TWSG1: variants seen among roughly 807,000 people sequenced by gnomAD.
The protein encoded by TWSG1 is twisted gastrulation BMP signaling modulator 1.
In TWSG1, 15 loss-of-function variants were observed where a neutral mutation model predicts 23.0. That is an observed-to-expected ratio of 0.65 (90% CI 0.44 to 1.00). The LOEUF (loss-of-function observed/expected upper bound fraction) is 1.00. Ranked by LOEUF, TWSG1 falls within the 50% of genes least tolerant of loss-of-function variation. TWSG1 has a pLI of 0.00. For synonymous variants in TWSG1, 86 were observed against 92.8 expected, an observed-to-expected ratio of 0.93 and a Z score of 0.42; for missense variants, 242 against 278.7, an observed-to-expected ratio of 0.87 and a Z score of 0.94.
chr18:9,341,574 A>G (rs535825816), intron 2 of TWSG1, among the ~76,000 whole-genome samples: 1 of 152,260 alleles, frequency 6.6e-6, no homozygotes, highest in East Asian at 1.9e-4. Flanking sequence ...ATATATCTAA[A>G]ATTGCCTTTC....
chr18:9,383,572 A>C (rs997443351), intron 3 of TWSG1, among the ~76,000 whole-genome samples: 7 of 152,160 alleles, frequency 4.6e-5, no homozygotes, highest in Admixed American at 3.3e-4. Context: ...ACAAATTAGG[A>C]GACTGTTGCA....
chr18:9,371,297 C>CTTTT (rs758891489), intron 3 of TWSG1, among the ~76,000 whole-genome samples: 1 of 138,438 alleles, frequency 7.2e-6, no homozygotes, highest in African/African-American at 2.7e-5. Flanking sequence ...TTAGAAATCA[C>CTTTT]TTTTTTTTTT....
intron 3 of TWSG1, among the ~76,000 whole-genome samples, chr18:9,370,040 C>A (rs2040597236): frequency 6.6e-6 from 1 of 152,178 alleles, no homozygotes; most frequent in Middle Eastern, 3.2e-3. Flanking sequence ...CATTGTCCAG[C>A]CAGGCGCAGT....
At chr18:9,339,781 C>T (rs2040437859) in intron 2 of TWSG1, among the ~76,000 whole-genome samples, 2 of 150,720 alleles carry the variant, frequency 1.3e-5, no homozygotes, top group East Asian at 2.0e-4. Context: ...CCCACCTGGG[C>T]GACAGAGCAA....
chr18:9,387,178 C>T (rs2040688530), intron 3 of TWSG1, among the ~76,000 whole-genome samples: 1 of 152,108 alleles, frequency 6.6e-6, no homozygotes. Flanking sequence ...TGGGTTCAAG[C>T]ATATCATTGA....
At chr18:9,340,750 C>T (rs550582580) in intron 2 of TWSG1, among the ~76,000 whole-genome samples, 58 of 152,224 alleles carry the variant, frequency 3.8e-4, no homozygotes, top group African/African-American at 1.3e-3. Context: ...GAGCTTTCTG[C>T]GATGATGGAA....
intron 3 of TWSG1, among the ~76,000 whole-genome samples, chr18:9,370,968 AATG>A (rs1427141737): frequency 6.6e-6 from 1 of 152,176 alleles, no homozygotes; most frequent in African/African-American, 2.4e-5. Context: ...AAAATGGAAT[AATG>A]ATCACTTAAC....
chr18:9,371,594 C>T (rs2040605611), intron 3 of TWSG1, among the ~76,000 whole-genome samples: 1 of 151,806 alleles, frequency 6.6e-6, no homozygotes, highest in Non-Finnish European at 1.5e-5. Flanking sequence ...TGTGCCCAGC[C>T]TATAAATCAC....
Position 9,399,368 on chromosome 18 carries a change from T to C in TWSG1, c.513T>C (p.Tyr171=), listed in dbSNP as rs372644926. 84 of 1,608,214 alleles carry C rather than the reference T, an allele frequency of 5.2e-5. No homozygotes were observed. Among genetic ancestry groups the C allele is most frequent in the Non-Finnish European group, 1.5e-5 (18 of 1,178,630 alleles). The part of the protein sequence containing the change: ...SDKEHMCTVV[Y]FDDCMSIHQC... ...CAGAACACATGTGTACTGTGGTTTA[T>C]TTTGATGACTGCATGTCCATACATC... The change falls in exon 5 of 5, where the codon TAT becomes TAC. Residue 171 remains tyrosine (Y), a synonymous_variant. Transcript: ENST00000262120.
chr18:9,400,225 G>A lies in TWSG1; in HGVS notation c.*698G>A. 1 of 152,184 alleles carries A rather than the reference G, an allele frequency of 6.6e-6. No individual in the cohort carries two copies. Among genetic ancestry groups the A allele is most frequent in the Admixed American group, 6.5e-5 (1 of 15,276 alleles). 9.4% of individuals were successfully genotyped at this position (152,184 alleles called of 1,614,324 possible). On this transcript the variant is annotated 3_prime_UTR_variant, in exon 5 of 5. Coordinates refer to ENST00000262120, the MANE Select transcript of TWSG1 (RefSeq NM_020648.6). Reference sequence around the variant, plus strand: ...CCAAAGTGCTGACATAGGCAGTGATGAAGAATCTTTACCAAGATTTTCAGG... The same window carrying A: ...CCAAAGTGCTGACATAGGCAGTGATAAAGAATCTTTACCAAGATTTTCAGG...
At chr18:9,364,908 CTACTACATAGTAGCT>C (rs138908005) in intron 3 of TWSG1, among the ~76,000 whole-genome samples, 8,570 of 152,272 alleles carry the variant, frequency 0.056, 370 homozygotes, top group Middle Eastern at 0.078. Context: ...GAATCCTACA[CTACTACATAGTAGCT>C]TAAAATACAT....
intron 2 of TWSG1, among the ~76,000 whole-genome samples, chr18:9,346,543 A>G (rs1046275654): frequency 6.6e-6 from 1 of 152,098 alleles, no homozygotes; most frequent in East Asian, 1.9e-4. Context: ...TTAGGAGGCC[A>G]TGGCAGGAGG....
intron 1 of TWSG1, among the ~76,000 whole-genome samples, chr18:9,335,507 A>G (rs1026826355): frequency 6.6e-5 from 10 of 152,248 alleles, no homozygotes; most frequent in Non-Finnish European, 1.3e-4. Context: ...GGAACATTTC[A>G]TAAGACAACC....
intron 3 of TWSG1, among the ~76,000 whole-genome samples, chr18:9,384,712 C>G (rs1207919640): frequency 6.6e-6 from 1 of 151,734 alleles, no homozygotes; most frequent in African/African-American, 2.4e-5. Flanking sequence ...GTGGCTCAAC[C>G]TTGGCTCACT....
chr18:9,398,967 C>T (rs2040750237), intron 4 of TWSG1, among the ~76,000 whole-genome samples: 1 of 151,586 alleles, frequency 6.6e-6, no homozygotes, highest in Admixed American at 6.6e-5. Context: ...AAGATCACAC[C>T]ACTGCACTCC....
chr18:9,335,920 T>A (rs971459094), intron 1 of TWSG1, among the ~76,000 whole-genome samples: 2 of 152,214 alleles, frequency 1.3e-5, no homozygotes, highest in Non-Finnish European at 1.5e-5. Context: ...TAATTTATTA[T>A]GTTTGATAGG....
At chr18:9,339,912 C>T (rs190575348) in intron 2 of TWSG1, among the ~76,000 whole-genome samples, 55 of 152,256 alleles carry the variant, frequency 3.6e-4, no homozygotes, top group African/African-American at 1.3e-3. Context: ...AATGGTGATT[C>T]TAGTAAACAA....
In TWSG1 at chr18:9,379,483, A is replaced by T. The variant is rs183168529; in HGVS notation, c.224-16797A>T. 7.8e-3 allele frequency among the ~76,000 whole-genome samples: 1,180 copies of T among 152,124 alleles called. 6 individuals carry two copies. Among genetic ancestry groups the T allele is most frequent in the Middle Eastern group, 0.037 (11 of 294 alleles). On this transcript the variant is annotated intron_variant, in intron 3 of 4. Transcript: ENST00000262120. ...ATAATGAGAACACGTGGACAGAAGG[A>T]GGGGAACAACAGACACTGAGGCCTA...
At chr18:9,383,062 T>A (rs4798802) in intron 3 of TWSG1, among the ~76,000 whole-genome samples, 77,533 of 151,804 alleles carry the variant, frequency 0.51, 20,413 homozygotes, top group African/African-American at 0.64. Flanking sequence ...GGGTAGAGAA[T>A]GATGAGTGAG....
Sources: gnomAD v4.1 joint callset for allele counts (sites outside exome capture counted in the v4.1 genomes callset) on GRCh38, gnomAD v4.1.1 for gene constraint, MANE v1.5 for transcripts, NCBI Gene and HGNC (gene_info 2026-07-23, HGNC 2026-07-21) for gene names.